The following TAS2R5 variants were observed in gnomAD, a reference collection of about 807,000 sequenced individuals.
TAS2R5 encodes taste 2 receptor member 5.
TAS2R5 carries 11 observed loss-of-function variants against 14.4 expected under a neutral mutation model. The observed-to-expected ratio is 0.77, with a 90% CI of 0.48 to 1.27. The LOEUF is 1.27. TAS2R5 is among the 50% of genes most tolerant of loss of function. The pLI is 0.00. For missense variants in TAS2R5, 339 were observed against 353.9 expected, an observed-to-expected ratio of 0.96 and a Z score of 0.34; for synonymous variants, 120 against 137.1, an observed-to-expected ratio of 0.87 and a Z score of 0.87.
Position 141,790,610 on chromosome 7 carries a change from C to A in TAS2R5, c.249C>A (p.Ile83=), listed in dbSNP as rs1158278782. The change falls in exon 1 of 1, where the codon ATC becomes ATA. Residue 83 remains isoleucine (I), a synonymous_variant. Transcript: ENST00000247883. The part of the protein sequence containing the change: ...QSSRWLRYLS[I]FWVLVSQASL... ...GCCGTTGGCTTCGCTATCTTAGTAT[C>A]TTCTGGGTCCTGGTAAGCCAGGCCA... 1 of 1,614,218 alleles carries A rather than the reference C, an allele frequency of 6.2e-7. No individual in the cohort carries two copies. Among genetic ancestry groups the A allele is most frequent in the Admixed American group, 1.7e-5 (1 of 60,012 alleles).
chr7:141,791,230 C>G lies in TAS2R5; in HGVS notation c.869C>G (p.Thr290Arg), dbSNP rs368063436. 4.3e-6 allele frequency: 7 copies of G among 1,613,688 alleles called. No individual in the cohort carries two copies. Among genetic ancestry groups the G allele is most frequent in the Non-Finnish European group, 5.9e-6 (7 of 1,179,812 alleles). ...KQTCQKILWK[T>R]VCARRCWGP ...ACTTGTCAGAAGATCCTGTGGAAGA[C>G]AGTGTGTGCTCGGAGATGCTGGGGC... Residue 290 changes from threonine to arginine, a missense_variant, in exon 1 of 1, where the codon ACA (threonine) becomes AGA (arginine). Transcript: ENST00000247883.
Position 141,791,299 on chromosome 7 carries a change from G to T in TAS2R5, c.*38G>T. ...AGTGTGGTCAGGACACTCTTGGGAC[G>T]CTCTTTTGATAGCTCTCTATAAGGG... is the stretch of plus-strand genomic sequence containing the variant. On this transcript the variant is annotated 3_prime_UTR_variant, in exon 1 of 1. Coordinates refer to ENST00000247883, the MANE Select transcript of TAS2R5 (RefSeq NM_018980.3). 4 of 1,566,126 alleles carry T rather than the reference G, an allele frequency of 2.6e-6. No homozygotes were observed. Among genetic ancestry groups the T allele is most frequent in the Non-Finnish European group, 3.5e-6 (4 of 1,156,982 alleles).
In TAS2R5 at chr7:141,790,600, A is replaced by T. The variant is rs776900780; in HGVS notation, c.239A>T (p.Tyr80Phe). The T allele has an allele frequency of 6.2e-7, 1 of 1,614,078 alleles. No homozygotes were observed. Residue 80 changes from tyrosine (Y) to phenylalanine (F), a missense_variant, in exon 1 of 1, where the codon TAT (tyrosine) becomes TTT (phenylalanine). Tyr to Phe is a conservative substitution (Grantham distance 22). Coordinates refer to ENST00000247883, the MANE Select transcript of TAS2R5 (RefSeq NM_018980.3). ...TTCCAGAGCAGCCGTTGGCTTCGCTATCTTAGTATCTTCTGGGTCCTGGTA... is the reference window on the plus strand; with the variant it reads ...TTCCAGAGCAGCCGTTGGCTTCGCTTTCTTAGTATCTTCTGGGTCCTGGTA... ...PLFQSSRWLR[Y>F]LSIFWVLVSQ... is the part of the protein sequence containing the mutation.
In TAS2R5 at chr7:141,791,289, C is replaced by T; in HGVS notation, c.*28C>T. 1 of 1,579,326 alleles carries T rather than the reference C, an allele frequency of 6.3e-7. No individual in the cohort carries two copies. The highest frequency in any genetic ancestry group is 8.6e-7 in the Non-Finnish European group (1 of 1,164,506). ...TGGGAAGAAAAGTGTGGTCAGGACA[C>T]TCTTGGGACGCTCTTTTGATAGCTC... On this transcript the variant is annotated 3_prime_UTR_variant, in exon 1 of 1. Coordinates refer to ENST00000247883, the MANE Select transcript of TAS2R5 (RefSeq NM_018980.3).
chr7:141,790,719 C>T, the TAS2R5 span: 1 of 1,614,196 alleles, frequency 6.2e-7, no homozygotes, highest in Non-Finnish European at 8.5e-7. Context: ...GTGGCTGAAG[C>T]AGAGGGCCTA....
In TAS2R5 at chr7:141,790,921, C is replaced by T. The variant is rs866855261; in HGVS notation, c.560C>T (p.Ser187Phe). 1.9e-6 allele frequency: 3 copies of T among 1,614,086 alleles called. No homozygotes were observed. The highest frequency in any genetic ancestry group is 2.2e-5 in the South Asian group (2 of 91,080). The part of the protein sequence containing the change: ...SYLPLVVFLV[S>F]SGMLIVSLYT... Reference sequence around the variant, plus strand: ...TTGCCTTTAGTGGTGTTTCTTGTTTCCTCTGGGATGCTGATTGTCTCTTTG... The same window carrying T: ...TTGCCTTTAGTGGTGTTTCTTGTTTTCTCTGGGATGCTGATTGTCTCTTTG... Residue 187 changes from serine to phenylalanine, a missense_variant, in exon 1 of 1, where the codon TCC (serine) becomes TTC (phenylalanine). Physicochemically the swap from Ser to Phe is radical, Grantham distance 155. Coordinates refer to ENST00000247883, the MANE Select transcript of TAS2R5 (RefSeq NM_018980.3).
rs574749006 is a variant in TAS2R5, at chr7:141,791,117, C to T, written c.756C>T (p.Thr252=). Residue 252 remains threonine, a synonymous_variant, in exon 1 of 1, where the codon ACC becomes ACT. Coordinates refer to ENST00000247883, the MANE Select transcript of TAS2R5 (RefSeq NM_018980.3). ...ITSKTYPPDL[T]SVFIWETLMA... ...CCAAGACTTATCCTCCTGATCTCAC[C>T]AGTGTCTTCATCTGGGAGACACTCA... is the stretch of plus-strand genomic sequence containing the variant. 2.5e-6 allele frequency: 4 copies of T among 1,614,076 alleles called. No homozygotes were observed. Among genetic ancestry groups the T allele is most frequent in the African/African-American group, 2.7e-5 (2 of 74,932 alleles).
chr7:141,790,752 C>G lies in TAS2R5; in HGVS notation c.391C>G (p.Leu131Val), dbSNP rs1197521620. The change falls in exon 1 of 1, where the codon CTG (leucine) becomes GTG (valine). Residue 131 changes from leucine to valine, a missense_variant. Coordinates refer to ENST00000247883, the MANE Select transcript of TAS2R5 (RefSeq NM_018980.3). ...RAYNLSLWCL[L>V]GYFIINLLLT... ...CTATAACCTGAGTCTCTGGTGCCTTCTGGGCTACTTTATAATCAATTTGTT... is the reference window on the plus strand; with the variant it reads ...CTATAACCTGAGTCTCTGGTGCCTTGTGGGCTACTTTATAATCAATTTGTT... 1.2e-6 allele frequency: 2 copies of G among 1,614,154 alleles called. No homozygotes were observed. Among genetic ancestry groups the G allele is most frequent in the Non-Finnish European group, 1.7e-6 (2 of 1,180,040 alleles).
Position 141,790,685 on chromosome 7 carries a change from G to A in TAS2R5, c.324G>A (p.Thr108=), listed in dbSNP as rs746282200. The change falls in exon 1 of 1, where the codon ACG becomes ACA. Residue 108 remains threonine (T), a synonymous_variant. Transcript: ENST00000247883. ...FLSVFYCKKI[T]TFDRPAYLWL... ...GTGTCTTCTATTGCAAGAAGATCAC[G>A]ACCTTCGATCGCCCGGCCTACTTGT... 6 of 1,614,142 alleles carry A rather than the reference G, an allele frequency of 3.7e-6. No homozygotes were observed. Among genetic ancestry groups the A allele is most frequent in the South Asian group, 1.1e-5 (1 of 91,072 alleles).
chr7:141,791,258 A>G lies in TAS2R5; in HGVS notation c.897A>G (p.Pro299=), dbSNP rs201892921. ...TGTGTGCTCGGAGATGCTGGGGCCC[A>G]TGATCTGGGAAGAAAAGTGTGGTCA... ...KTVCARRCWG[P] Residue 299 remains proline (P), a synonymous_variant, in exon 1 of 1, where the codon CCA becomes CCG. Coordinates refer to ENST00000247883, the MANE Select transcript of TAS2R5 (RefSeq NM_018980.3). 48 of 1,610,346 alleles carry G rather than the reference A, an allele frequency of 3.0e-5. No individual in the cohort carries two copies. Among genetic ancestry groups the G allele is most frequent in the Middle Eastern group, 1.6e-4 (1 of 6,062 alleles).
At position 141,790,425 on chromosome 7, in the gene TAS2R5, A is replaced by T; in HGVS notation, c.64A>T (p.Ile22Phe). Reference sequence around the variant, plus strand: ...AGTGGTTGAATTTCTCATCGGTTTAATTGGAAATGGAAGCCTGGTGGTCTG... The same window carrying T: ...AGTGGTTGAATTTCTCATCGGTTTATTTGGAAATGGAAGCCTGGTGGTCTG... ...VAVVEFLIGL[I>F]GNGSLVVWSF... Residue 22 changes from isoleucine (I) to phenylalanine (F), a missense_variant, in exon 1 of 1, where the codon ATT (isoleucine) becomes TTT (phenylalanine). Ile to Phe is a conservative substitution (Grantham distance 21). Coordinates refer to ENST00000247883, the MANE Select transcript of TAS2R5 (RefSeq NM_018980.3). The T allele has an allele frequency of 6.2e-7, 1 of 1,614,192 alleles. No individual in the cohort carries two copies. The highest frequency in any genetic ancestry group is 1.1e-5 in the South Asian group (1 of 91,088).
At chr7:141,790,862 C>A in the TAS2R5 span, 1 of 1,614,092 alleles carries the variant, frequency 6.2e-7, no homozygotes, top group Non-Finnish European at 8.5e-7. Flanking sequence ...GCTGGCAGTA[C>A]CTGTATGCAT....
At position 141,790,703 on chromosome 7, in the gene TAS2R5, C is replaced by T. The variant is rs1344744580; in HGVS notation, c.342C>T (p.Ala114=). 3 of 1,614,170 alleles carry T rather than the reference C, an allele frequency of 1.9e-6. No homozygotes were observed. Among genetic ancestry groups the T allele is most frequent in the Non-Finnish European group, 2.5e-6 (3 of 1,180,036 alleles). The change falls in exon 1 of 1, where the codon GCC becomes GCT. Residue 114 remains alanine, a synonymous_variant. Coordinates refer to ENST00000247883, the MANE Select transcript of TAS2R5 (RefSeq NM_018980.3). ...AGATCACGACCTTCGATCGCCCGGC[C>T]TACTTGTGGCTGAAGCAGAGGGCCT... The part of the protein sequence containing the change: ...CKKITTFDRP[A]YLWLKQRAYN...
chr7:141,790,226 A>G lies in TAS2R5; in HGVS notation c.-136A>G. The G allele has an allele frequency of 5.7e-6, 5 of 882,584 alleles. No homozygotes were observed. Among genetic ancestry groups the G allele is most frequent in the East Asian group, 2.5e-5 (1 of 40,302 alleles). The allele number at this position is 882,584 out of a possible 1,614,324, so 54.7% of individuals were successfully genotyped here. A position where few individuals can be genotyped will look rare whatever the true frequency, so the allele number is the denominator to read the frequency against. On this transcript the variant is annotated 5_prime_UTR_variant, in exon 1 of 1. Coordinates refer to ENST00000247883, the MANE Select transcript of TAS2R5 (RefSeq NM_018980.3). ...TCTCTGTTCCTCATCACAGCTGTTC[A>G]GTCTCGCTTGAAGACAGATTACGGA...
Position 141,791,328 on chromosome 7 carries a change from T to G in TAS2R5, c.*67T>G. 6.9e-7 allele frequency: 1 copy of G among 1,455,054 alleles called. No individual in the cohort carries two copies. The highest frequency in any genetic ancestry group is 9.3e-7 in the Non-Finnish European group (1 of 1,080,520). The allele number at this position is 1,455,054 out of a possible 1,614,324, so 90.1% of individuals were successfully genotyped here. ...TTTTGATAGCTCTCTATAAGGGAGC[T>G]GCTTTCCATGTCTTTTAAGATTTTC... On this transcript the variant is annotated 3_prime_UTR_variant, in exon 1 of 1. Coordinates refer to ENST00000247883, the MANE Select transcript of TAS2R5 (RefSeq NM_018980.3).
At position 141,791,070 on chromosome 7, in the gene TAS2R5, G is replaced by A; in HGVS notation, c.709G>A (p.Ala237Thr). 2 of 1,614,124 alleles carry A rather than the reference G, an allele frequency of 1.2e-6. No individual in the cohort carries two copies. The highest frequency in any genetic ancestry group is 8.5e-7 in the Non-Finnish European group (1 of 1,180,036). ...CTTACTTCACCTGGTTTATATCATGGCCAGCCCCTTCTCCATCACCTCCAA... is the reference window on the plus strand; with the variant it reads ...CTTACTTCACCTGGTTTATATCATGACCAGCCCCTTCTCCATCACCTCCAA... ...FLLLHLVYIMASPFSITSKTY... is the reference protein window; with the variant it reads ...FLLLHLVYIMTSPFSITSKTY... The change falls in exon 1 of 1, where the codon GCC (alanine) becomes ACC (threonine). Residue 237 changes from alanine to threonine, a missense_variant. Ala to Thr is a moderately conservative substitution (Grantham distance 58, BLOSUM62 0). Transcript: ENST00000247883.
Position 141,790,415 on chromosome 7 carries a change from C to T in TAS2R5, c.54C>T (p.Leu18=). ...LLMLVAVVEF[L]IGLIGNGSLV... is the part of the protein sequence containing the mutation. Reference sequence around the variant, plus strand: ...TGCTGGTGGCAGTGGTTGAATTTCTCATCGGTTTAATTGGAAATGGAAGCC... The same window carrying T: ...TGCTGGTGGCAGTGGTTGAATTTCTTATCGGTTTAATTGGAAATGGAAGCC... The change falls in exon 1 of 1, where the codon CTC becomes CTT. Residue 18 remains leucine (L), a synonymous_variant. Transcript: ENST00000247883. The T allele has an allele frequency of 1.2e-6, 2 of 1,614,178 alleles. No individual in the cohort carries two copies. The highest frequency in any genetic ancestry group is 1.7e-6 in the Non-Finnish European group (2 of 1,179,996).
Position 141,791,058 on chromosome 7 carries a change from G to C in TAS2R5, c.697G>C (p.Val233Leu). 2 of 1,614,142 alleles carry C rather than the reference G, an allele frequency of 1.2e-6. No individual in the cohort carries two copies. The highest frequency in any genetic ancestry group is 1.7e-6 in the Non-Finnish European group (2 of 1,180,016). The change falls in exon 1 of 1, where the codon GTT becomes CTT. Residue 233 changes from valine (V) to leucine (L), a missense_variant. By Grantham distance (32) the Val-to-Leu change is conservative (BLOSUM62 1). Coordinates refer to ENST00000247883, the MANE Select transcript of TAS2R5 (RefSeq NM_018980.3). Reference sequence around the variant, plus strand: ...GGGCTGCTTCCTCTTACTTCACCTGGTTTATATCATGGCCAGCCCCTTCTC... The same window carrying C: ...GGGCTGCTTCCTCTTACTTCACCTGCTTTATATCATGGCCAGCCCCTTCTC... ...SLGCFLLLHL[V>L]YIMASPFSIT... is the part of the protein sequence containing the mutation.
In TAS2R5 at chr7:141,790,591, G is replaced by C; in HGVS notation, c.230G>C (p.Trp77Ser). The change falls in exon 1 of 1, where the codon TGG becomes TCG. Residue 77 changes from tryptophan (W) to serine (S), a missense_variant. Physicochemically the swap from Trp to Ser is radical, Grantham distance 177. Transcript: ENST00000247883. The stretch of plus-strand genomic sequence containing the variant: ...TTTCCACTTTTCCAGAGCAGCCGTT[G>C]GCTTCGCTATCTTAGTATCTTCTGG... ...SLFPLFQSSR[W>S]LRYLSIFWVL... 6.2e-7 allele frequency: 1 copy of C among 1,614,188 alleles called. No homozygotes were observed. Among genetic ancestry groups the C allele is most frequent in the African/African-American group, 1.3e-5 (1 of 75,044 alleles).
Sources: gnomAD v4.1 joint callset for allele counts on GRCh38, gnomAD v4.1.1 for gene constraint, MANE v1.5 for transcripts, NCBI Gene and HGNC (gene_info 2026-07-23, HGNC 2026-07-21) for gene names.